The following TMBIM6 variants were observed in gnomAD, a reference collection of about 807,000 sequenced individuals.
TMBIM6 encodes the protein bax inhibitor 1.
A neutral mutation model predicts 31.4 loss-of-function variants in TMBIM6; 13 were observed. The observed-to-expected ratio is 0.41, with a 90% CI of 0.27 to 0.66. The LOEUF (loss-of-function observed/expected upper bound fraction) is 0.66. Ranked by LOEUF, TMBIM6 falls within the 30% of genes least tolerant of loss-of-function variation. The pLI is 0.28. For synonymous variants in TMBIM6, 85 were observed against 101.7 expected, an observed-to-expected ratio of 0.84 and a Z score of 0.99; for missense variants, 275 against 289.5, an observed-to-expected ratio of 0.95 and a Z score of 0.36.
chr12:49,745,936 T>C (rs2136928957), intron 1 of TMBIM6, among the ~76,000 whole-genome samples: 2 of 152,308 alleles, frequency 1.3e-5, no homozygotes, highest in South Asian at 4.1e-4. Context: ...AGGTTATATG[T>C]AGTAAGTGCA....
intron 1 of TMBIM6, among the ~76,000 whole-genome samples, chr12:49,748,180 G>A (rs1054780719): frequency 6.6e-6 from 1 of 152,164 alleles, no homozygotes; most frequent in Non-Finnish European, 1.5e-5. Flanking sequence ...GGGATTACAG[G>A]CGTGAGCCAC....
chr12:49,760,533 C>CTT (rs35862867), intron 8 of TMBIM6, among the ~76,000 whole-genome samples: 2,293 of 93,232 alleles, frequency 0.025, 61 homozygotes, highest in South Asian at 0.12. Flanking sequence ...TGCCCAGCCA[C>CTT]TTTTTTTTTT....
intron 1 of TMBIM6, among the ~76,000 whole-genome samples, chr12:49,747,655 A>C (rs1445529421): frequency 1.3e-5 from 2 of 152,094 alleles, no homozygotes; most frequent in Admixed American, 1.3e-4. Context: ...TTGAGACTTT[A>C]TTGTCTTCAT....
chr12:49,756,215 A>G (rs1469603399), intron 4 of TMBIM6, among the ~76,000 whole-genome samples: 1 of 151,918 alleles, frequency 6.6e-6, no homozygotes, highest in Admixed American at 6.6e-5. Flanking sequence ...GGCTCACTGC[A>G]AACTCTGCCT....
At chr12:49,742,415 CTT>C (rs1945313971) in intron 1 of TMBIM6, 2 of 1,240,334 alleles carry the variant, frequency 1.6e-6, no homozygotes, top group East Asian at 2.7e-5. Context: ...GCTTTGGTAT[CTT>C]TGTATATTTA....
intron 1 of TMBIM6, among the ~76,000 whole-genome samples, chr12:49,746,200 A>G (rs1348997051): frequency 6.6e-6 from 1 of 151,146 alleles, no homozygotes; most frequent in East Asian, 1.9e-4. Flanking sequence ...CTCCTGCCTC[A>G]GCCTCCCAAG....
chr12:49,757,852 C>T (rs1945635384), intron 4 of TMBIM6, among the ~76,000 whole-genome samples: 1 of 152,198 alleles, frequency 6.6e-6, no homozygotes, highest in African/African-American at 2.4e-5. Context: ...TTGCTGGCCA[C>T]GAGGCACTGT....
chr12:49,754,719 A>G (rs1945556841), intron 3 of TMBIM6, among the ~76,000 whole-genome samples: 1 of 152,228 alleles, frequency 6.6e-6, no homozygotes, highest in African/African-American at 2.4e-5. Context: ...TCTTTTTTCT[A>G]ATGCCTATAG....
At chr12:49,744,876 T>G (rs936820327) in intron 1 of TMBIM6, among the ~76,000 whole-genome samples, 8 of 152,310 alleles carry the variant, frequency 5.3e-5, no homozygotes, top group Admixed American at 3.3e-4. Flanking sequence ...TTTAGGATTT[T>G]GGGGCCTTCT....
Position 49,764,412 on chromosome 12 carries a change from G to A in TMBIM6, c.*1516G>A, listed in dbSNP as rs779193301. On this transcript the variant is annotated 3_prime_UTR_variant, in exon 10 of 10. Coordinates refer to ENST00000267115, the MANE Select transcript of TMBIM6 (RefSeq NM_003217.3). ...GCACCATGTCACTGTGCTATCCTAC[G>A]AAATCATTTGTTTCTAAGTTGTGTT... 2.0e-5 allele frequency: 3 copies of A among 152,194 alleles called. No homozygotes were observed. The highest frequency in any genetic ancestry group is 4.4e-5 in the Non-Finnish European group (3 of 68,022). 9.4% of individuals were successfully genotyped at this position (152,194 alleles called of 1,614,324 possible).
chr12:49,755,775 T>C lies in TMBIM6; in HGVS notation c.286+20T>C. 1 of 1,610,056 alleles carries C rather than the reference T, an allele frequency of 6.2e-7. No individual in the cohort carries two copies. Among genetic ancestry groups the C allele is most frequent in the African/African-American group, 1.3e-5 (1 of 74,728 alleles). On this transcript the variant is annotated intron_variant, in intron 4 of 9. Coordinates refer to ENST00000267115, the MANE Select transcript of TMBIM6 (RefSeq NM_003217.3). ...TTACAGGTACGTTAAGGGATTTGTC[T>C]AATTTTGAGGGGTGAGCTATATTTT...
chr12:49,746,517 A>G (rs1372852651), intron 1 of TMBIM6, among the ~76,000 whole-genome samples: 1 of 152,200 alleles, frequency 6.6e-6, no homozygotes, highest in Admixed American at 6.5e-5. Flanking sequence ...CTTTATTTGT[A>G]TTATCTCACC....
intron 1 of TMBIM6, chr12:49,750,499 T>A (rs1489971192): frequency 6.6e-6 from 1 of 152,262 alleles, no homozygotes; most frequent in Non-Finnish European, 1.5e-5. Context: ...TCTGCCATGC[T>A]GTAAGTGTGC....
At chr12:49,754,018 C>CT (rs1310211607) in intron 3 of TMBIM6, among the ~76,000 whole-genome samples, 18 of 151,798 alleles carry the variant, frequency 1.2e-4, no homozygotes, top group African/African-American at 4.1e-4. Context: ...AGTCACCCTG[C>CT]TGTTGCAGTG....
chr12:49,744,267 G>T (rs992168789), intron 1 of TMBIM6: 13 of 152,024 alleles, frequency 8.6e-5, no homozygotes, highest in African/African-American at 3.1e-4. Context: ...ATTTTATTTC[G>T]TAAACTGCCC....
At chr12:49,743,836 T>C (rs1448119702) in intron 1 of TMBIM6, among the ~76,000 whole-genome samples, 2 of 152,222 alleles carry the variant, frequency 1.3e-5, no homozygotes, top group African/African-American at 4.8e-5. Context: ...AATCTGGTTC[T>C]GGCTCTGCTA....
chr12:49,742,797 CTTTGTGTCTAATATTTTTG>C (rs1181617801), intron 1 of TMBIM6, among the ~76,000 whole-genome samples: 1 of 151,976 alleles, frequency 6.6e-6, no homozygotes, highest in African/African-American at 2.4e-5. Flanking sequence ...TTTTCTTATT[CTTTGTGTCTAATATTTTTG>C]TTCTGGCCTA....
chr12:49,759,939 T>C (rs1416754335), intron 8 of TMBIM6, among the ~76,000 whole-genome samples: 1 of 151,412 alleles, frequency 6.6e-6, no homozygotes, highest in Non-Finnish European at 1.5e-5. Flanking sequence ...GGTGAAACCC[T>C]GTCTCTACTA....
intron 4 of TMBIM6, 80 bp downstream of exon 4, chr12:49,755,835 TTCTTTTTTTTTTTTTTGAGACAGAG>T (rs1467533099): frequency 6.7e-7 from 1 of 1,488,830 alleles, no homozygotes; most frequent in Admixed American, 2.2e-5. Flanking sequence ...CCCTTTTTTT[TTCTTTTTTTTTTTTTTGAGACAGAG>T]TCTCGCTCTG....
Sources: allele counts gnomAD v4.1 joint callset (sites outside exome capture counted in the v4.1 genomes callset), GRCh38; gene constraint gnomAD v4.1.1; transcripts MANE v1.5; gene names NCBI Gene and HGNC (gene_info 2026-07-23, HGNC 2026-07-21).